Variants in CNTNAP2 observed in about 807,000 individuals in gnomAD.
The protein encoded by CNTNAP2 is contactin-associated protein-like 2.
A neutral mutation model predicts 155.2 loss-of-function variants in CNTNAP2; 98 were observed. That is an observed-to-expected ratio of 0.63 (90% confidence interval 0.54 to 0.75). The LOEUF (loss-of-function observed/expected upper bound fraction) is 0.75, where lower values mean the gene tolerates loss of function less well. Among genes scored for constraint, CNTNAP2 ranks in the 30% least tolerant of loss-of-function variants. The pLI, the probability that CNTNAP2 is intolerant of heterozygous loss-of-function variation, is 0.00. For missense variants in CNTNAP2, 1,727 were observed against 1,688.1 expected (o/e 1.02, Z -0.40); for synonymous variants, 651 against 631.2 (o/e 1.03, Z -0.47).
chr7:147,927,833 G>A (rs1270589059), intron 14 of CNTNAP2, among the ~76,000 whole-genome samples: 1 of 152,096 alleles, frequency 6.6e-6, no homozygotes, highest in African/African-American at 2.4e-5. Flanking sequence ...TAGTGCAATG[G>A]CCGAGACCTT....
chr7:147,958,508 T>G (rs1159654027), intron 14 of CNTNAP2, among the ~76,000 whole-genome samples: 1 of 152,174 alleles, frequency 6.6e-6, no homozygotes, highest in East Asian at 1.9e-4. Context: ...TAATTGCCCT[T>G]TGAGAATAAC....
intron 4 of CNTNAP2, among the ~76,000 whole-genome samples, chr7:147,057,916 A>G (rs1175940129): frequency 6.6e-6 from 1 of 152,170 alleles, no homozygotes; most frequent in Non-Finnish European, 1.5e-5. Context: ...ATGCCTACAT[A>G]TATAGATCTC....
chr7:147,883,504 C>G (rs577096587), intron 13 of CNTNAP2, among the ~76,000 whole-genome samples: 3 of 152,210 alleles, frequency 2.0e-5, no homozygotes, highest in African/African-American at 7.2e-5. Context: ...ATTATGAACA[C>G]CAATACAGAT....
At chr7:147,637,509 T>C (rs560668007) in intron 12 of CNTNAP2, among the ~76,000 whole-genome samples, 1 of 152,194 alleles carries the variant, frequency 6.6e-6, no homozygotes, top group Admixed American at 6.5e-5. Context: ...TCTTTTAATC[T>C]ACAGCACGCT....
intron 1 of CNTNAP2, among the ~76,000 whole-genome samples, chr7:146,483,510 CGT>C (rs201996558): frequency 3.4e-5 from 5 of 145,722 alleles, no homozygotes; most frequent in Admixed American, 1.4e-4. Context: ...TGTGTGTGTG[CGT>C]GTGTGTGTGT....
At chr7:147,713,648 A>T (rs146479783) in intron 13 of CNTNAP2, among the ~76,000 whole-genome samples, 2,504 of 152,252 alleles carry the variant, frequency 0.016, 224 homozygotes, top group Admixed American at 0.15. Flanking sequence ...TTCACTTGGA[A>T]AAATGCCTGG....
intron 8 of CNTNAP2, among the ~76,000 whole-genome samples, chr7:147,299,014 C>T (rs1584855338): frequency 6.6e-6 from 1 of 152,128 alleles, no homozygotes; most frequent in African/African-American, 2.4e-5. Context: ...TATTTTTGGA[C>T]ACCTTTATTC....
intron 12 of CNTNAP2, among the ~76,000 whole-genome samples, chr7:147,636,788 G>A (rs898899441): frequency 6.6e-6 from 1 of 152,086 alleles, no homozygotes; most frequent in African/African-American, 2.4e-5. Context: ...TTTAATGTGG[G>A]GGGACAGACT....
chr7:147,907,667 A>T (rs1799986934), intron 14 of CNTNAP2, among the ~76,000 whole-genome samples: 1 of 152,224 alleles, frequency 6.6e-6, no homozygotes, highest in African/African-American at 2.4e-5. Flanking sequence ...GTATAATAAA[A>T]ATAAATCTTG....
intron 2 of CNTNAP2, among the ~76,000 whole-genome samples, chr7:146,829,301 A>AAT (rs1803465386): frequency 6.6e-6 from 1 of 152,010 alleles, no homozygotes; most frequent in African/African-American, 2.4e-5. Context: ...GATTTTCATA[A>AAT]TGCCATTTAT....
At chr7:147,780,671 C>A (rs1797648809) in intron 13 of CNTNAP2, among the ~76,000 whole-genome samples, 1 of 152,176 alleles carries the variant, frequency 6.6e-6, no homozygotes, top group African/African-American at 2.4e-5. Flanking sequence ...AGTTGTCTTA[C>A]AGAACACCTG....
intron 17 of CNTNAP2, among the ~76,000 whole-genome samples, chr7:148,155,058 G>A (rs1024920137): frequency 5.3e-5 from 8 of 152,132 alleles, no homozygotes; most frequent in African/African-American, 1.4e-4. Flanking sequence ...GAGACACCCC[G>A]GTGAACCCCA....
intron 18 of CNTNAP2, chr7:148,190,845 G>A (rs1380134555): frequency 1.5e-5 from 2 of 129,786 alleles, no homozygotes; most frequent in African/African-American, 6.1e-5. Context: ...CCCAGCCCTA[G>A]GGGAAAGACA....
At chr7:146,199,070 C>T (rs1798819282) in intron 1 of CNTNAP2, among the ~76,000 whole-genome samples, 1 of 152,110 alleles carries the variant, frequency 6.6e-6, no homozygotes, top group Non-Finnish European at 1.5e-5. Flanking sequence ...TCTCCTTCTC[C>T]AAATAATGAT....
At chr7:147,891,394 G>C (rs563855729) in intron 13 of CNTNAP2, among the ~76,000 whole-genome samples, 1 of 151,910 alleles carries the variant, frequency 6.6e-6, no homozygotes, top group Non-Finnish European at 1.5e-5. Context: ...TAGTAGAGAC[G>C]GGGTTTCACC....
intron 11 of CNTNAP2, among the ~76,000 whole-genome samples, chr7:147,500,636 C>T (rs1004772315): frequency 2.0e-5 from 3 of 152,084 alleles, no homozygotes; most frequent in African/African-American, 7.2e-5. Flanking sequence ...CACACACATA[C>T]CCCCAAATAT....
chr7:148,177,727 C>T (rs1794963715), intron 18 of CNTNAP2, among the ~76,000 whole-genome samples: 1 of 152,128 alleles, frequency 6.6e-6, no homozygotes, highest in East Asian at 1.9e-4. Context: ...CCAAGGTTCA[C>T]ATATTAGTAA....
intron 1 of CNTNAP2, among the ~76,000 whole-genome samples, chr7:146,425,529 A>T (rs1224417856): frequency 1.3e-5 from 2 of 152,206 alleles, no homozygotes; most frequent in Non-Finnish European, 2.9e-5. Flanking sequence ...ATTTTAGTAC[A>T]TCAATAATTA....
chr7:146,434,804 T>G (rs1009281886), intron 1 of CNTNAP2, among the ~76,000 whole-genome samples: 5 of 151,874 alleles, frequency 3.3e-5, no homozygotes, highest in Non-Finnish European at 7.3e-5. Context: ...TATATATTGT[T>G]TTATACTTAA....
Sources: gnomAD v4.1 joint callset for allele counts (sites outside exome capture counted in the v4.1 genomes callset) on GRCh38, gnomAD v4.1.1 for gene constraint, MANE v1.5 for transcripts, NCBI Gene and HGNC (gene_info 2026-07-23, HGNC 2026-07-21) for gene names.